CNTLN: variants seen among roughly 807,000 people sequenced by gnomAD.
The protein encoded by CNTLN is centlein, centrosomal protein.
CNTLN carries 212 observed loss-of-function variants against 180.0 expected under a neutral mutation model. The ratio of observed to expected loss-of-function variants is 1.18; its 90% CI spans 1.05 to 1.32. The LOEUF is 1.32. Among genes scored for constraint, CNTLN ranks in the 40% most tolerant of loss-of-function variants. CNTLN has a pLI of 0.00. For missense variants in CNTLN, 2,095 were observed against 1,610.9 expected, an observed-to-expected ratio of 1.30 and a Z score of -5.14; for synonymous variants, 722 against 563.1, an observed-to-expected ratio of 1.28 and a Z score of -3.99.
At chr9:17,318,960 A>G (rs762475120) in intron 8 of CNTLN, among the ~76,000 whole-genome samples, 1 of 152,206 alleles carries the variant, frequency 6.6e-6, no homozygotes, top group East Asian at 1.9e-4. Context: ...AAACTGAACA[A>G]CACCATTTAT....
intron 2 of CNTLN, among the ~76,000 whole-genome samples, chr9:17,178,463 G>A (rs1017805986): frequency 6.6e-6 from 1 of 152,188 alleles, no homozygotes; most frequent in African/African-American, 2.4e-5. Flanking sequence ...GGAATAGGGA[G>A]TGGTGCTGGT....
At chr9:17,504,392 A>G (rs2754340), downstream of CNTLN, among the ~76,000 whole-genome samples, 143,268 of 152,186 alleles carry the variant, frequency 0.94, 67,747 homozygotes, top group Middle Eastern at 0.99. Flanking sequence ...TATTACAAAG[A>G]TAAAAATGAG....
intron 6 of CNTLN, among the ~76,000 whole-genome samples, chr9:17,274,453 A>ATATCTATCTATCTGTCTATC (rs1470236004): frequency 7.2e-5 from 10 of 138,774 alleles, no homozygotes; most frequent in Admixed American, 1.5e-4. Flanking sequence ...TCATAGATCA[A>ATATCTATCTATCTGTCTATC]TATCTATCTA....
At chr9:17,290,951 G>C (rs960088602) in intron 6 of CNTLN, among the ~76,000 whole-genome samples, 11 of 152,238 alleles carry the variant, frequency 7.2e-5, no homozygotes, top group African/African-American at 2.6e-4. Flanking sequence ...AGATGGAAAT[G>C]CAGAAATCAC....
intron 6 of CNTLN, among the ~76,000 whole-genome samples, chr9:17,284,075 A>G (rs4626705): frequency 0.29 from 44,431 of 151,772 alleles, 6,579 homozygotes; most frequent in South Asian, 0.41. Context: ...AGGCTGGAGT[A>G]CAATGGCGTG....
chr9:17,298,207 T>A lies in CNTLN; in HGVS notation c.1001T>A (p.Leu334Gln). The A allele has an allele frequency of 6.5e-7, 1 of 1,531,196 alleles. No homozygotes were observed. Among genetic ancestry groups the A allele is most frequent in the Non-Finnish European group, 8.8e-7 (1 of 1,141,142 alleles). The allele number at this position is 1,531,196 out of a possible 1,614,324, so 94.9% of individuals were successfully genotyped here. Residue 334 changes from leucine to glutamine, a missense_variant, in exon 7 of 26, where the codon CTG becomes CAG. Physicochemically the swap from Leu to Gln is moderately radical, Grantham distance 113. Transcript: ENST00000380647. ...TTGCACAGGAAGGAACTGCAGGAGCTGCAGAATCTTTACAAACAGAACAGT... is the reference window on the plus strand; with the variant it reads ...TTGCACAGGAAGGAACTGCAGGAGCAGCAGAATCTTTACAAACAGAACAGT... ...ITLVRKELQELQNLYKQNSTH... is the reference protein window; with the variant it reads ...ITLVRKELQEQQNLYKQNSTH...
chr9:17,312,343 TTATA>T (rs1225851796), intron 8 of CNTLN, among the ~76,000 whole-genome samples: 2 of 30,372 alleles, frequency 6.6e-5, no homozygotes, highest in South Asian at 5.4e-4. Flanking sequence ...ATTACTGTAT[TTATA>T]TATATATATA....
intron 13 of CNTLN, among the ~76,000 whole-genome samples, chr9:17,387,735 T>A (rs992662195): frequency 1.3e-5 from 2 of 152,066 alleles, no homozygotes; most frequent in African/African-American, 4.8e-5. Context: ...ACCCTAATTC[T>A]GTTACTGTTT....
At chr9:17,480,466 G>A (rs1181145999) in intron 23 of CNTLN, among the ~76,000 whole-genome samples, 3 of 152,042 alleles carry the variant, frequency 2.0e-5, no homozygotes, top group Non-Finnish European at 4.4e-5. Flanking sequence ...AAAATTTGAT[G>A]GAAATTGATG....
intron 15 of CNTLN, among the ~76,000 whole-genome samples, chr9:17,395,779 C>T (rs1425978777): frequency 2.0e-5 from 3 of 152,114 alleles, no homozygotes; most frequent in African/African-American, 4.8e-5. Context: ...GCTATACATT[C>T]ATATATGCAC....
At chr9:17,329,792 G>A (rs1563999158) in intron 8 of CNTLN, among the ~76,000 whole-genome samples, 1 of 151,248 alleles carries the variant, frequency 6.6e-6, no homozygotes, top group Non-Finnish European at 1.5e-5. Flanking sequence ...ATCAGTTTAA[G>A]TGCAAATATT....
intron 18 of CNTLN, among the ~76,000 whole-genome samples, chr9:17,438,339 G>GT (rs1829901744): frequency 6.6e-6 from 1 of 151,974 alleles, no homozygotes; most frequent in South Asian, 2.1e-4. Context: ...GAAATAGAAA[G>GT]TTTTTTAAAA....
At chr9:17,287,452 A>T (rs1314937491) in intron 6 of CNTLN, among the ~76,000 whole-genome samples, 1 of 151,016 alleles carries the variant, frequency 6.6e-6, no homozygotes, top group Non-Finnish European at 1.5e-5. Context: ...CATCAAGGAT[A>T]TTGGTCTAAA....
At chr9:17,411,023 CA>C (rs1455425948) in intron 16 of CNTLN, among the ~76,000 whole-genome samples, 1 of 149,516 alleles carries the variant, frequency 6.7e-6, no homozygotes, top group Non-Finnish European at 1.5e-5. Flanking sequence ...TTAAGTTCTA[CA>C]AAAACTTTTT....
intron 2 of CNTLN, among the ~76,000 whole-genome samples, chr9:17,195,786 C>A (rs376016420): frequency 6.6e-6 from 1 of 152,096 alleles, no homozygotes; most frequent in Non-Finnish European, 1.5e-5. Context: ...AAACTCTCTT[C>A]CCTGCATTTA....
Position 17,455,034 on chromosome 9 carries a change from G to C in CNTLN, c.3115-2490G>C, listed in dbSNP as rs1258849702. On this transcript the variant is annotated intron_variant, in intron 18 of 25. Coordinates refer to ENST00000380647, the MANE Select transcript of CNTLN (RefSeq NM_017738.4). Reference sequence around the variant, plus strand: ...CTTTCTAACAAGGTCACCCACAAAAGTTGTCTCACAGCCTAGAGCACTTGT... The same window carrying C: ...CTTTCTAACAAGGTCACCCACAAAACTTGTCTCACAGCCTAGAGCACTTGT... Among the ~76,000 whole-genome samples the C allele has an allele frequency of 3.3e-5, 5 of 152,302 alleles. 1 individual carries two copies. The East Asian group carries it at 7.7e-4, about 24-fold the overall frequency.
At chr9:17,175,373 A>G (rs1043386142) in intron 2 of CNTLN, among the ~76,000 whole-genome samples, 2 of 152,128 alleles carry the variant, frequency 1.3e-5, no homozygotes, top group African/African-American at 2.4e-5. Flanking sequence ...TGGATGTCTA[A>G]TTCTTCTAGC....
chr9:17,166,360 A>C (rs1343557310), intron 2 of CNTLN, among the ~76,000 whole-genome samples: 1 of 152,160 alleles, frequency 6.6e-6, no homozygotes, highest in Non-Finnish European at 1.5e-5. Context: ...AGCAAAAGGA[A>C]AAGAATAAGA....
chr9:17,423,619 C>T (rs1050846264), intron 18 of CNTLN, among the ~76,000 whole-genome samples: 1 of 152,092 alleles, frequency 6.6e-6, no homozygotes, highest in Admixed American at 6.6e-5. Flanking sequence ...CCCAGACTTG[C>T]CCAAGGACCG....
Sources: allele counts gnomAD v4.1 joint callset (sites outside exome capture counted in the v4.1 genomes callset), GRCh38; gene constraint gnomAD v4.1.1; transcripts MANE v1.5; gene names NCBI Gene and HGNC (gene_info 2026-07-23, HGNC 2026-07-21).